The following TMEM232 variants were observed in gnomAD, a reference collection of about 807,000 sequenced individuals.
The protein encoded by TMEM232 is transmembrane protein 232.
Under a neutral mutation model 78.8 loss-of-function variants are expected in TMEM232, and 80 were observed. The observed-to-expected ratio is 1.01, with a 90% CI of 0.85 to 1.22. The LOEUF is 1.22. Ranked by LOEUF, TMEM232 falls within the 50% of genes most tolerant of loss-of-function variation. The pLI is 0.00. For missense variants in TMEM232, 881 were observed against 742.2 expected (o/e 1.19, Z -2.17); for synonymous variants, 297 against 254.3 (o/e 1.17, Z -1.60).
chr5:110,443,060 A>C (rs1298491097), intron 12 of TMEM232, among the ~76,000 whole-genome samples: 3 of 152,164 alleles, frequency 2.0e-5, no homozygotes, highest in Admixed American at 2.0e-4. Context: ...GGTCCCACCC[A>C]AGGCATACTG....
intron 10 of TMEM232, among the ~76,000 whole-genome samples, chr5:110,603,401 G>A (rs893157388): frequency 2.0e-5 from 3 of 152,116 alleles, no homozygotes; most frequent in Non-Finnish European, 4.4e-5. Context: ...GATTATGCCA[G>A]AGTACAGGGG....
Position 110,624,719 on chromosome 5 carries a change from T to C in TMEM232, c.768+548A>G, listed in dbSNP as rs1011337578. On this transcript the variant is annotated intron_variant, in intron 7 of 13. Transcript: ENST00000455884. ...CCCAGAAAGGTTACAAATAGATGTGTTGGAATTTTTTTCTTATATATTTAA... is the reference window on the plus strand; with the variant it reads ...CCCAGAAAGGTTACAAATAGATGTGCTGGAATTTTTTTCTTATATATTTAA... Among the ~76,000 whole-genome samples the C allele has an allele frequency of 4.6e-5, 7 of 152,040 alleles. No homozygotes were observed. In the East Asian group the frequency reaches 7.7e-4, roughly 17 times the overall value.
chr5:110,409,447 T>A (rs1248392284), intron 2 of TMEM232, among the ~76,000 whole-genome samples: 1 of 152,196 alleles, frequency 6.6e-6, no homozygotes, highest in Non-Finnish European at 1.5e-5. Flanking sequence ...TAAAACACTA[T>A]CAATTATGGG....
chr5:110,576,324 C>G (rs1306485742), intron 10 of TMEM232, among the ~76,000 whole-genome samples: 1 of 152,082 alleles, frequency 6.6e-6, no homozygotes, highest in Non-Finnish European at 1.5e-5. Flanking sequence ...ATACAGCTAA[C>G]TATGGCAGTG....
At chr5:110,555,774 G>A (rs1775003615) in intron 11 of TMEM232, among the ~76,000 whole-genome samples, 1 of 152,022 alleles carries the variant, frequency 6.6e-6, no homozygotes. Context: ...CTTTTTATCA[G>A]TGTTGGTTTA....
At chr5:110,713,664 A>T (rs979660624) in intron 1 of TMEM232, among the ~76,000 whole-genome samples, 2 of 152,176 alleles carry the variant, frequency 1.3e-5, no homozygotes, top group East Asian at 3.8e-4. Flanking sequence ...AGATAACAAA[A>T]ACTTGGCCTA....
rs183303470 is a variant in TMEM232, at chr5:110,724,601, C to A, written c.-13+2026G>T. On this transcript the variant is annotated intron_variant, in intron 1 of 13. Coordinates refer to ENST00000455884, the MANE Select transcript of TMEM232 (RefSeq NM_001039763.4). Reference sequence around the variant, plus strand: ...CAATCAGGAATCAAATCCTAGATCACGGCCACTGCCATGAGATTAGGTTCT... The same window carrying A: ...CAATCAGGAATCAAATCCTAGATCAAGGCCACTGCCATGAGATTAGGTTCT... Among the ~76,000 whole-genome samples, 7 of 152,318 alleles carry A rather than the reference C, an allele frequency of 4.6e-5. No homozygotes were observed. The East Asian group carries it at 7.7e-4, about 17-fold the overall frequency.
intron 10 of TMEM232, among the ~76,000 whole-genome samples, chr5:110,597,034 G>A (rs1028520786): frequency 2.0e-5 from 3 of 152,098 alleles, no homozygotes; most frequent in African/African-American, 7.2e-5. Context: ...GCAGGAGAAG[G>A]AAATAAAGGG....
chr5:110,434,329 C>T (rs1185358301), intron 12 of TMEM232, among the ~76,000 whole-genome samples: 1 of 151,526 alleles, frequency 6.6e-6, no homozygotes, highest in African/African-American at 2.4e-5. Flanking sequence ...TTAGAAACTA[C>T]TGTGAACATC....
chr5:110,444,879 C>T (rs1288140661), intron 12 of TMEM232, among the ~76,000 whole-genome samples: 1 of 151,264 alleles, frequency 6.6e-6, no homozygotes, highest in African/African-American at 2.4e-5. Context: ...TGGACTATAC[C>T]TCTCATTTTG....
chr5:110,695,038 A>C (rs1006535918), intron 1 of TMEM232, among the ~76,000 whole-genome samples: 17 of 152,184 alleles, frequency 1.1e-4, no homozygotes, highest in South Asian at 2.1e-4. Flanking sequence ...CCAAAATTGA[A>C]CACATAGTTG....
At chr5:110,461,808 A>C (rs1358764608) in intron 12 of TMEM232, among the ~76,000 whole-genome samples, 2 of 152,212 alleles carry the variant, frequency 1.3e-5, no homozygotes, top group African/African-American at 4.8e-5. Flanking sequence ...ATATAGTTTA[A>C]CAAAGCCTAA....
intron 8 of TMEM232, chr5:110,610,461 A>C (rs1056062924): frequency 5.3e-6 from 2 of 379,636 alleles, no homozygotes; most frequent in Middle Eastern, 7.4e-4. Context: ...AGAGAGGCAG[A>C]AGTTGGGAAC....
chr5:110,691,082 C>T (rs771047651), intron 1 of TMEM232, among the ~76,000 whole-genome samples: 2 of 148,964 alleles, frequency 1.3e-5, no homozygotes, highest in Non-Finnish European at 3.0e-5. Context: ...CACCATGACA[C>T]GTGCATACCT....
At chr5:110,459,936 C>T (rs750235756) in intron 12 of TMEM232, among the ~76,000 whole-genome samples, 18 of 152,124 alleles carry the variant, frequency 1.2e-4, no homozygotes, top group African/African-American at 2.7e-4. Flanking sequence ...ATTCTACAAA[C>T]TATTCCCTGT....
chr5:110,571,223 G>T (rs1168859504), intron 10 of TMEM232, among the ~76,000 whole-genome samples: 4 of 152,004 alleles, frequency 2.6e-5, no homozygotes, highest in African/African-American at 9.7e-5. Flanking sequence ...TATTCGCTCA[G>T]ATATTCCTAG....
chr5:110,471,884 A>T (rs1486869255), intron 12 of TMEM232, among the ~76,000 whole-genome samples: 2 of 152,098 alleles, frequency 1.3e-5, no homozygotes, highest in Non-Finnish European at 2.9e-5. Context: ...AAAGAAATCA[A>T]ATCAAAGGTG....
At chr5:110,402,349 G>A (rs1044823259) in intron 2 of TMEM232, among the ~76,000 whole-genome samples, 2 of 152,040 alleles carry the variant, frequency 1.3e-5, no homozygotes, top group Non-Finnish European at 1.5e-5. Context: ...TTGACTTATA[G>A]AAATGGCTCT....
At chr5:110,617,319 T>G (rs1484478726) in intron 8 of TMEM232, among the ~76,000 whole-genome samples, 1 of 151,894 alleles carries the variant, frequency 6.6e-6, no homozygotes, top group Non-Finnish European at 1.5e-5. Context: ...AGTGCAAAGT[T>G]TCAGTTAGAC....
Sources: gnomAD v4.1 joint callset for allele counts (sites outside exome capture counted in the v4.1 genomes callset) on GRCh38, gnomAD v4.1.1 for gene constraint, MANE v1.5 for transcripts, NCBI Gene and HGNC (gene_info 2026-07-23, HGNC 2026-07-21) for gene names.